The following NECTIN1 variants were observed in gnomAD, a reference collection of about 807,000 sequenced individuals.
The protein encoded by NECTIN1 is nectin-1.
Under a neutral mutation model 48.0 loss-of-function variants are expected in NECTIN1, and 23 were observed. The ratio of observed to expected loss-of-function variants is 0.48; its 90% CI spans 0.34 to 0.68. The LOEUF is 0.68. Ranked by LOEUF, NECTIN1 falls within the 30% of genes least tolerant of loss-of-function variation. The pLI is 0.01. For missense variants in NECTIN1, 591 were observed against 709.9 expected (o/e 0.83, Z 1.90); for synonymous variants, 270 against 288.9 (o/e 0.93, Z 0.66).
chr11:119,648,146 C>A (rs188287781), intron 5 of NECTIN1, among the ~76,000 whole-genome samples: 1 of 139,710 alleles, frequency 7.2e-6, no homozygotes, highest in Admixed American at 7.4e-5. Flanking sequence ...CACTGAGCGG[C>A]GCCCAGAAAT....
At chr11:119,680,366 T>A (rs533809414) in intron 1 of NECTIN1, among the ~76,000 whole-genome samples, 290 of 152,286 alleles carry the variant, frequency 1.9e-3, no homozygotes, top group African/African-American at 6.8e-3. Context: ...TTGAGCGTCA[T>A]CAATAGCATT....
In NECTIN1 at chr11:119,723,767, CT is replaced by C. The variant is rs2134348080; in HGVS notation, c.79+4707del. Among the ~76,000 whole-genome samples the C allele has an allele frequency of 2.0e-5, 3 of 152,322 alleles. No individual in the cohort carries two copies. The South Asian group carries it at 6.2e-4, about 32-fold the overall frequency. On this transcript the variant is annotated intron_variant, in intron 1 of 5. Coordinates refer to ENST00000264025, the MANE Select transcript of NECTIN1 (RefSeq NM_002855.5). Reference sequence around the variant, plus strand: ...TCCAGAGCTTAAAGAGTTAACTGGACTAAAGGGTGTTATCTCCAGCTCAGGG... The same window carrying C: ...TCCAGAGCTTAAAGAGTTAACTGGACAAAGGGTGTTATCTCCAGCTCAGGG...
chr11:119,651,797 GCTGT>G (rs1384322488), intron 5 of NECTIN1, among the ~76,000 whole-genome samples: 4 of 152,116 alleles, frequency 2.6e-5, no homozygotes, highest in Non-Finnish European at 5.9e-5. Flanking sequence ...CACTGTCAGG[GCTGT>G]CTAAGAGCTC....
chr11:119,640,192 C>T, intron 5 of NECTIN1: 2 of 670,364 alleles, frequency 3.0e-6, no homozygotes, highest in Non-Finnish European at 2.6e-6. Context: ...GGGATGGAGG[C>T]TCCTCCTCTA....
chr11:119,662,035 GT>G lies in NECTIN1; in HGVS notation c.*2711del, dbSNP rs1864675473. ...ACACATTAGAACAATATCAAAATCT[GT>G]AAGGAAACAGGGGCATGGGTGTGGG... is the stretch of plus-strand genomic sequence containing the variant. On this transcript the variant is annotated 3_prime_UTR_variant, in exon 6 of 6. Coordinates refer to ENST00000264025, the MANE Select transcript of NECTIN1 (RefSeq NM_002855.5). This position sits in a 1 kb window ranked among gnomAD's most constrained non-coding sequence, Gnocchi z 5.3. 2.0e-6 allele frequency: 2 copies of G among 985,240 alleles called. No individual in the cohort carries two copies. 61.0% of individuals were successfully genotyped at this position (985,240 alleles called of 1,614,324 possible). A position where few individuals can be genotyped will look rare whatever the true frequency, so the allele number is the denominator to read the frequency against.
At chr11:119,667,413 C>A (rs1864792114) in intron 5 of NECTIN1, among the ~76,000 whole-genome samples, 1 of 152,206 alleles carries the variant, frequency 6.6e-6, no homozygotes, top group South Asian at 2.1e-4. Flanking sequence ...ATATGAGAAA[C>A]TCACAGCCTC....
intron 1 of NECTIN1, among the ~76,000 whole-genome samples, chr11:119,699,500 C>A (rs1030980274): frequency 3.2e-4 from 17 of 52,934 alleles, no homozygotes; most frequent in Admixed American, 1.7e-3. Flanking sequence ...CTGTCCCCAG[C>A]GGCCCGCCCC....
intron 5 of NECTIN1, among the ~76,000 whole-genome samples, chr11:119,655,834 A>G (rs937614358): frequency 4.7e-4 from 72 of 152,260 alleles, no homozygotes; most frequent in African/African-American, 1.7e-3. Context: ...GGCTGGGCAC[A>G]TTTGAAGGAA....
In NECTIN1 at chr11:119,684,976, G is replaced by T. The variant is rs530682146; in HGVS notation, c.80-6211C>A. Among the ~76,000 whole-genome samples, 1 of 151,944 alleles carries T rather than the reference G, an allele frequency of 6.6e-6. No individual in the cohort carries two copies. The highest frequency in any genetic ancestry group is 1.5e-5 in the Non-Finnish European group (1 of 68,008). On this transcript the variant is annotated intron_variant, in intron 1 of 5. Coordinates refer to ENST00000264025, the MANE Select transcript of NECTIN1 (RefSeq NM_002855.5). The surrounding 1 kb of genome is among the most constrained non-coding windows in gnomAD (Gnocchi z 5.2). Reference sequence around the variant, plus strand: ...CCAGACTCCCCTCTACACTCAGGATGGGGAGGAGGGCTCAGCAAGGAAGCA... The same window carrying T: ...CCAGACTCCCCTCTACACTCAGGATTGGGAGGAGGGCTCAGCAAGGAAGCA...
rs1565385825 is a variant in NECTIN1, at chr11:119,673,450, T to G, written c.1003+1709A>C. Among the ~76,000 whole-genome samples, 1 of 152,128 alleles carries G rather than the reference T, an allele frequency of 6.6e-6. No individual in the cohort carries two copies. The highest frequency in any genetic ancestry group is 2.1e-4 in the South Asian group (1 of 4,834). ...CTGCCCCCAGCCCACACCCCTCACA[T>G]GTTGATAGCCCACCATCAGGGGAAG... On this transcript the variant is annotated intron_variant, in intron 5 of 5. Transcript: ENST00000264025. The surrounding 1 kb of genome is among the most constrained non-coding windows in gnomAD (Gnocchi z 5.8).
intron 5 of NECTIN1, 66 bp downstream of exon 5, chr11:119,675,093 G>A (rs1864923944): frequency 1.3e-6 from 2 of 1,565,628 alleles, no homozygotes; most frequent in Non-Finnish European, 1.8e-6. Flanking sequence ...TTGCTCAAAG[G>A]TGAGGGATGC....
chr11:119,682,600 T>C (rs1865079269), intron 1 of NECTIN1, among the ~76,000 whole-genome samples: 1 of 152,202 alleles, frequency 6.6e-6, no homozygotes, highest in South Asian at 2.1e-4. Context: ...GTAGCTCAGT[T>C]TGCACCAATG....
chr11:119,664,965 C>T lies in NECTIN1; in HGVS notation c.1336G>A (p.Gly446Ser), dbSNP rs1373709791. Residue 446 changes from glycine (G) to serine (S), a missense_variant, in exon 6 of 6, where the codon GGT becomes AGT. Physicochemically the swap from Gly to Ser is moderately conservative, Grantham distance 56. Transcript: ENST00000264025. ...YEEEEEEEEG[G>S]GGGERKVGGP... ...CCCACCTTGCGCTCGCCCCCTCCACCGCCCTCCTCCTCCTCCTCCTCCTCC... is the reference window on the plus strand; with the variant it reads ...CCCACCTTGCGCTCGCCCCCTCCACTGCCCTCCTCCTCCTCCTCCTCCTCC... The T allele has an allele frequency of 5.0e-6, 8 of 1,613,100 alleles. No individual in the cohort carries two copies. The highest frequency in any genetic ancestry group is 1.3e-5 in the African/African-American group (1 of 74,966).
rs1426461724 is a variant in NECTIN1, at chr11:119,727,464, C to T, written c.79+1011G>A. 6.6e-6 allele frequency among the ~76,000 whole-genome samples: 1 copy of T among 152,182 alleles called. No homozygotes were observed. The highest frequency in any genetic ancestry group is 2.4e-5 in the African/African-American group (1 of 41,448). ...CTACCCAGAGAGCTGGAGGAACTCC[C>T]CACACCCCTTGACCCACGCTTGGTG... On this transcript the variant is annotated intron_variant, in intron 1 of 5. Transcript: ENST00000264025. This position sits in a 1 kb window ranked among gnomAD's most constrained non-coding sequence, Gnocchi z 4.1.
chr11:119,660,206 G>A (rs1864637870), downstream of NECTIN1, among the ~76,000 whole-genome samples: 1 of 145,296 alleles, frequency 6.9e-6, no homozygotes, highest in Non-Finnish European at 1.5e-5. Context: ...AGATGCTACT[G>A]GGTGCGGGGG....
intron 1 of NECTIN1, among the ~76,000 whole-genome samples, chr11:119,687,740 C>T (rs1591466410): frequency 6.6e-6 from 1 of 152,216 alleles, no homozygotes; most frequent in Non-Finnish European, 1.5e-5. Context: ...TTGTCTCAGC[C>T]CCGCAGGCTT....
At chr11:119,649,005 G>A (rs1864452606) in intron 5 of NECTIN1, among the ~76,000 whole-genome samples, 1 of 152,208 alleles carries the variant, frequency 6.6e-6, no homozygotes, top group African/African-American at 2.4e-5. Flanking sequence ...GGCACTGTGT[G>A]CAGAGTCAGA....
At chr11:119,639,402 T>TA (rs1864289177) in intron 6 of NECTIN1, 1 of 195,830 alleles carries the variant, frequency 5.1e-6, no homozygotes, top group Non-Finnish European at 1.1e-5. Context: ...TTTGATTTTT[T>TA]TAAAATATCA....
At chr11:119,666,609 G>C (rs1394741287) in intron 5 of NECTIN1, among the ~76,000 whole-genome samples, 1 of 152,268 alleles carries the variant, frequency 6.6e-6, no homozygotes, top group Admixed American at 6.5e-5. Flanking sequence ...GAGCCACTAG[G>C]CTGCGGGTCT....
Sources: allele counts gnomAD v4.1 joint callset (sites outside exome capture counted in the v4.1 genomes callset), GRCh38; gene constraint gnomAD v4.1.1; non-coding constraint Gnocchi (gnomAD v3.1); transcripts MANE v1.5; gene names NCBI Gene and HGNC (gene_info 2026-07-23, HGNC 2026-07-21).